The following SLC44A3 variants were observed in gnomAD, a reference collection of about 807,000 sequenced individuals.
SLC44A3 encodes the protein choline transporter-like protein 3.
In SLC44A3, 74 loss-of-function variants were observed where a neutral mutation model predicts 75.4. That is an observed-to-expected ratio of 0.98 (90% CI 0.81 to 1.19). SLC44A3 has a LOEUF of 1.19. Ranked by LOEUF, SLC44A3 falls within the 50% of genes most tolerant of loss-of-function variation. The pLI is 0.00. For synonymous variants in SLC44A3, 310 were observed against 296.9 expected, an observed-to-expected ratio of 1.04 and a Z score of -0.45; for missense variants, 700 against 778.6, an observed-to-expected ratio of 0.90 and a Z score of 1.20.
chr1:94,874,041 C>T (rs1668029185), intron 12 of SLC44A3, among the ~76,000 whole-genome samples: 1 of 152,118 alleles, frequency 6.6e-6, no homozygotes, highest in Non-Finnish European at 1.5e-5. Flanking sequence ...TGGAGAGATG[C>T]CTCGTGTGTG....
Position 94,820,399 on chromosome 1 carries a change from G to T in SLC44A3, c.-53G>T, listed in dbSNP as rs563147168. ...CGGCTCGCGGGCGCTGCGTCTCCGC[G>T]TACAGGAGGCGGCGGCGGCTCCCAG... On this transcript the variant is annotated 5_prime_UTR_variant, in exon 1 of 15. Coordinates refer to ENST00000271227, the MANE Select transcript of SLC44A3 (RefSeq NM_001114106.3). 7.7e-6 allele frequency: 11 copies of T among 1,436,778 alleles called. No homozygotes were observed. In the African/African-American group the frequency reaches 1.6e-4, roughly 21 times the overall value. 89.0% of individuals were successfully genotyped at this position (1,436,778 alleles called of 1,614,324 possible).
intron 9 of SLC44A3, among the ~76,000 whole-genome samples, chr1:94,849,235 G>A (rs187961944): frequency 8.7e-4 from 133 of 152,282 alleles, no homozygotes; most frequent in African/African-American, 2.7e-3. Flanking sequence ...AGCAAACAGC[G>A]AGAACAGTAG....
At position 94,864,826 on chromosome 1, in the gene SLC44A3, G is replaced by A; in HGVS notation, c.1322G>A (p.Gly441Glu). 2 of 1,613,826 alleles carry A rather than the reference G, an allele frequency of 1.2e-6. No individual in the cohort carries two copies. Among genetic ancestry groups the A allele is most frequent in the Middle Eastern group, 1.7e-4 (1 of 6,060 alleles). The change falls in exon 11 of 15, where the codon GGG (glycine) becomes GAG (glutamate). Residue 441 changes from glycine to glutamate, a missense_variant. Gly to Glu is a moderately conservative substitution (Grantham distance 98). Coordinates refer to ENST00000271227, the MANE Select transcript of SLC44A3 (RefSeq NM_001114106.3). ...FFYHQGTVVK[G>E]SFLISVVRIP... ...TACCATCAAGGAACCGTTGTGAAAGGGTCATTTTTAATCTCTGTGGTGAGG... is the reference window on the plus strand; with the variant it reads ...TACCATCAAGGAACCGTTGTGAAAGAGTCATTTTTAATCTCTGTGGTGAGG...
chr1:94,867,243 T>A, intron 11 of SLC44A3, 88 bp from the exon 12 acceptor site: 1 of 1,184,236 alleles, frequency 8.4e-7, no homozygotes, highest in Non-Finnish European at 1.2e-6. Flanking sequence ...GGTGCATAAG[T>A]AAAAACTGTG....
chr1:94,866,994 A>G (rs1367708804), intron 11 of SLC44A3, among the ~76,000 whole-genome samples: 1 of 152,104 alleles, frequency 6.6e-6, no homozygotes, highest in East Asian at 1.9e-4. Flanking sequence ...TTGAAAAAGC[A>G]AAGTGTACCA....
Position 94,820,422 on chromosome 1 carries a change from C to G in SLC44A3, c.-30C>G. 3 of 1,452,494 alleles carry G rather than the reference C, an allele frequency of 2.1e-6. No homozygotes were observed. The highest frequency in any genetic ancestry group is 2.7e-6 in the Non-Finnish European group (3 of 1,106,090). The allele number at this position is 1,452,494 out of a possible 1,614,324, so 90.0% of individuals were successfully genotyped here. On this transcript the variant is annotated 5_prime_UTR_variant, in exon 1 of 15. Coordinates refer to ENST00000271227, the MANE Select transcript of SLC44A3 (RefSeq NM_001114106.3). ...GCGTACAGGAGGCGGCGGCGGCTCCCAGTCACCGGCCCCCGCCGGCGAGCG... is the reference window on the plus strand; with the variant it reads ...GCGTACAGGAGGCGGCGGCGGCTCCGAGTCACCGGCCCCCGCCGGCGAGCG...
At chr1:94,840,501 T>G (rs859117) in intron 7 of SLC44A3, among the ~76,000 whole-genome samples, 131,715 of 151,592 alleles carry the variant, frequency 0.87, 57,301 homozygotes, top group East Asian at 0.97. Context: ...TGTTGCCCAG[T>G]CTGGTCTCCA....
intron 5 of SLC44A3, among the ~76,000 whole-genome samples, chr1:94,833,918 A>G (rs113358522): frequency 0.013 from 2,001 of 152,280 alleles, 43 homozygotes; most frequent in African/African-American, 0.046. Flanking sequence ...TAAATGACTA[A>G]TAAGGAGCTG....
Position 94,820,445 on chromosome 1 carries a change from G to C in SLC44A3, c.-7G>C. Reference sequence around the variant, plus strand: ...CCCAGTCACCGGCCCCCGCCGGCGAGCGCACGATGCACTGCCTGGGCGCCG... The same window carrying C: ...CCCAGTCACCGGCCCCCGCCGGCGACCGCACGATGCACTGCCTGGGCGCCG... On this transcript the variant is annotated 5_prime_UTR_variant, in exon 1 of 15. Transcript: ENST00000271227. 3 of 1,461,088 alleles carry C rather than the reference G, an allele frequency of 2.1e-6. No homozygotes were observed. The highest frequency in any genetic ancestry group is 2.7e-6 in the Non-Finnish European group (3 of 1,109,752). The allele number at this position is 1,461,088 out of a possible 1,614,324, so 90.5% of individuals were successfully genotyped here. A position where few individuals can be genotyped will look rare whatever the true frequency, so the allele number is the denominator to read the frequency against.
chr1:94,889,524 T>TCACA (rs57397808), intron 12 of SLC44A3, among the ~76,000 whole-genome samples: 9,114 of 111,674 alleles, frequency 0.082, 440 homozygotes, highest in African/African-American at 0.14. Flanking sequence ...GTGAACATAA[T>TCACA]CACACACACA....
Position 94,864,782 on chromosome 1 carries a change from T to C in SLC44A3, c.1278T>C (p.Ser426=). ...CTCCTGATCATCCCATCCTTTCGTC[T>C]CTCTCCATTCTCTTCTTCTACCATC... The part of the protein sequence containing the change: ...NDPPDHPILS[S]LSILFFYHQG... Residue 426 remains serine, a synonymous_variant, in exon 11 of 15, where the codon TCT becomes TCC. Transcript: ENST00000271227. 3 of 1,613,958 alleles carry C rather than the reference T, an allele frequency of 1.9e-6. No homozygotes were observed. The highest frequency in any genetic ancestry group is 1.7e-6 in the Non-Finnish European group (2 of 1,179,904).
At chr1:94,830,534 C>T (rs1388936303) in intron 5 of SLC44A3, among the ~76,000 whole-genome samples, 2 of 151,916 alleles carry the variant, frequency 1.3e-5, no homozygotes, top group African/African-American at 2.4e-5. Context: ...TTTTAAAATT[C>T]TGGTAATTGT....
intron 12 of SLC44A3, among the ~76,000 whole-genome samples, chr1:94,876,335 T>G (rs982065276): frequency 9.2e-5 from 14 of 152,218 alleles, no homozygotes; most frequent in African/African-American, 3.1e-4. Flanking sequence ...TCCTCTTCCC[T>G]TAGGATAGAG....
Position 94,889,524 on chromosome 1 carries a change from T to TCACACACACACACACA in SLC44A3, c.1483-1591_1483-1576dup, listed in dbSNP as rs57397808. 4.1e-4 allele frequency among the ~76,000 whole-genome samples: 46 copies of TCACACACACACACACA among 111,728 alleles called. 1 individual carries two copies. Among genetic ancestry groups the TCACACACACACACACA allele is most frequent in the Admixed American group, 1.0e-3 (11 of 10,696 alleles). 73.3% of individuals were successfully genotyped at this position (111,728 alleles called of 152,430 possible). ...GAGAAATCGTCTCATGTGAACATAA[T>TCACACACACACACACA]CACACACACACACACACACACACAC... On this transcript the variant is annotated intron_variant, in intron 12 of 14. Coordinates refer to ENST00000271227, the MANE Select transcript of SLC44A3 (RefSeq NM_001114106.3).
At chr1:94,854,310 CTCT>C (rs1379000138) in intron 9 of SLC44A3, among the ~76,000 whole-genome samples, 4 of 152,222 alleles carry the variant, frequency 2.6e-5, no homozygotes, top group African/African-American at 4.8e-5. Context: ...CTTGCCTACT[CTCT>C]TCTTCACCAT....
chr1:94,889,096 T>C (rs1306798969), intron 12 of SLC44A3: 1 of 152,070 alleles, frequency 6.6e-6, no homozygotes, highest in Admixed American at 6.5e-5. Flanking sequence ...CATTCTTCTC[T>C]TGCTGGCCTT....
Position 94,867,436 on chromosome 1 carries a change from C to A in SLC44A3, c.1482+19C>A. 1 of 1,588,518 alleles carries A rather than the reference C, an allele frequency of 6.3e-7. No homozygotes were observed. Among genetic ancestry groups the A allele is most frequent in the South Asian group, 1.1e-5 (1 of 87,162 alleles). On this transcript the variant is annotated intron_variant, in intron 12 of 14. Transcript: ENST00000271227. ...CAACCAGGTACGTCTCTACCTCTTG[C>A]CTCAGGAACACACAGAAGGGTCCAA...
At chr1:94,852,868 G>A (rs74981588) in intron 9 of SLC44A3, among the ~76,000 whole-genome samples, 2,617 of 152,282 alleles carry the variant, frequency 0.017, 94 homozygotes, top group African/African-American at 0.06. Flanking sequence ...GCAAGAATTT[G>A]AGTATAGCAT....
At position 94,829,957 on chromosome 1, in the gene SLC44A3, C is replaced by T. The variant is rs191393898; in HGVS notation, c.509+1371C>T. Among the ~76,000 whole-genome samples, 29 of 152,316 alleles carry T rather than the reference C, an allele frequency of 1.9e-4. 1 individual carries two copies. The highest frequency in any genetic ancestry group is 1.8e-3 in the Admixed American group (28 of 15,300). ...ATTTACCCTTATTACATATGATTCA[C>T]ACTCTTAGTTACTACTCTGTTGCCT... On this transcript the variant is annotated intron_variant, in intron 5 of 14. Coordinates refer to ENST00000271227, the MANE Select transcript of SLC44A3 (RefSeq NM_001114106.3).
Sources: gnomAD v4.1 joint callset for allele counts (sites outside exome capture counted in the v4.1 genomes callset) on GRCh38, gnomAD v4.1.1 for gene constraint, MANE v1.5 for transcripts, NCBI Gene and HGNC (gene_info 2026-07-23, HGNC 2026-07-21) for gene names.